Variants in PSMD2 observed in about 807,000 individuals in gnomAD.
The protein encoded by PSMD2 is proteasome 26S subunit ubiquitin receptor, non-ATPase 2.
PSMD2 carries 8 observed loss-of-function variants against 101.5 expected under a neutral mutation model. The observed-to-expected ratio is 0.08, with a 90% confidence interval of 0.05 to 0.14. PSMD2 has a LOEUF of 0.14. Ranked by LOEUF, PSMD2 falls within the 10% of genes least tolerant of loss-of-function variation. PSMD2 has a pLI of 1.00. For missense variants in PSMD2, 784 were observed against 1,147.4 expected, an observed-to-expected ratio of 0.68 and a Z score of 4.58; for synonymous variants, 418 against 433.8, an observed-to-expected ratio of 0.96 and a Z score of 0.45.
At chr3:184,301,395 C>T in intron 3 of PSMD2, 142 bp from the exon 4 acceptor site, 1 of 1,109,374 alleles carries the variant, frequency 9.0e-7, no homozygotes. Flanking sequence ...TGAGGTTTAG[C>T]TTACATAACA....
chr3:184,302,087 A>G lies in PSMD2; in HGVS notation c.704+16A>G. The G allele has an allele frequency of 6.2e-7, 1 of 1,610,798 alleles. No individual in the cohort carries two copies. The highest frequency in any genetic ancestry group is 1.1e-5 in the South Asian group (1 of 91,038). On this transcript the variant is annotated intron_variant, in intron 5 of 20. Coordinates refer to ENST00000310118, the MANE Select transcript of PSMD2 (RefSeq NM_002808.5). Reference sequence around the variant, plus strand: ...ATCTCACCAGGTGAGTGAACATGGTAGGGAAGGGTGGCAGGCATGCCCTCC... The same window carrying G: ...ATCTCACCAGGTGAGTGAACATGGTGGGGAAGGGTGGCAGGCATGCCCTCC...
Position 184,308,834 on chromosome 3 carries a change from AC to A in PSMD2, c.2676del (p.Ile893PhefsTer18), listed in dbSNP as rs757486045. ...GGCCACTGAGGAGTTTCTTCCTGTT[AC>A]CCCCATTCTGGAAGGTTTTGTTATC... ...ELATEEFLPV[T>X]PILEGFVILR... On this transcript the variant is annotated frameshift_variant, in exon 21 of 21. Transcript: ENST00000310118. LOFTEE classifies it high-confidence loss of function. This position sits in a 1 kb window ranked among gnomAD's most constrained non-coding sequence, Gnocchi z 6.0. 6.2e-7 allele frequency: 1 copy of A among 1,612,824 alleles called. No individual in the cohort carries two copies. Among genetic ancestry groups the A allele is most frequent in the Non-Finnish European group, 8.5e-7 (1 of 1,180,008 alleles).
Position 184,306,795 on chromosome 3 carries a change from G to C in PSMD2, c.1995G>C (p.Glu665Asp), listed in dbSNP as rs773654455. 3.1e-6 allele frequency: 5 copies of C among 1,614,078 alleles called. No homozygotes were observed. Among genetic ancestry groups the C allele is most frequent in the Non-Finnish European group, 4.2e-6 (5 of 1,180,006 alleles). ...TTGCCCTTATTGCTATGGGGGAGGA[G>C]ATTGGTGCAGAGATGGCATTACGAA... ...LGIALIAMGEEIGAEMALRTF... is the reference protein window; with the variant it reads ...LGIALIAMGEDIGAEMALRTF... Residue 665 changes from glutamate to aspartate, a missense_variant, in exon 16 of 21, where the codon GAG becomes GAC. Physicochemically the swap from Glu to Asp is conservative, Grantham distance 45 (BLOSUM62 2). Transcript: ENST00000310118.
In PSMD2 at chr3:184,308,025, C is replaced by T. The variant is rs143873664; in HGVS notation, c.2425+9C>T. 6.6e-4 allele frequency: 1,070 copies of T among 1,613,706 alleles called. 7 individuals are homozygous for T. In the African/African-American group the frequency reaches 0.013, roughly 19 times the overall value. On this transcript the variant is annotated intron_variant, in intron 19 of 20. Transcript: ENST00000310118. This position sits in a 1 kb window ranked among gnomAD's most constrained non-coding sequence, Gnocchi z 6.0. ...CCTGGATGTTCGAAACAGTGAGTTC[C>T]TGTCAGAAATTTTATATCATAGCAT...
intron 3 of PSMD2, 117 bp from the exon 4 acceptor site, chr3:184,301,420 T>G: frequency 7.7e-7 from 1 of 1,297,398 alleles, no homozygotes; most frequent in Non-Finnish European, 1.1e-6. Context: ...AAATTTCTAG[T>G]ACAGAGATTG....
chr3:184,302,479 C>G lies in PSMD2; in HGVS notation c.814C>G (p.Leu272Val). The G allele has an allele frequency of 6.2e-7, 1 of 1,614,092 alleles. No homozygotes were observed. The highest frequency in any genetic ancestry group is 1.3e-5 in the African/African-American group (1 of 75,026). Residue 272 changes from leucine (L) to valine (V), a missense_variant, in exon 6 of 21, where the codon CTC (leucine) becomes GTC (valine). Transcript: ENST00000310118. ...TGAAGCTCTGAGATTGGCATTGATGCTCAATGACATGGAGTTGGTAGAAGA... is the reference window on the plus strand; with the variant it reads ...TGAAGCTCTGAGATTGGCATTGATGGTCAATGACATGGAGTTGGTAGAAGA... ...FPEALRLALM[L>V]NDMELVEDIF...
chr3:184,305,950 TG>T lies in PSMD2; in HGVS notation c.1702+23del, dbSNP rs753273197. 6.2e-7 allele frequency: 1 copy of T among 1,613,990 alleles called. No homozygotes were observed. The highest frequency in any genetic ancestry group is 8.5e-7 in the Non-Finnish European group (1 of 1,179,856). Reference sequence around the variant, plus strand: ...ACCTGGGTGAGGGGATGTTTCTATTTGGGCAAAGAGCTGACAGTAACTGGAT... The same window carrying T: ...ACCTGGGTGAGGGGATGTTTCTATTTGGCAAAGAGCTGACAGTAACTGGAT... On this transcript the variant is annotated intron_variant, in intron 13 of 20. Coordinates refer to ENST00000310118, the MANE Select transcript of PSMD2 (RefSeq NM_002808.5).
chr3:184,304,319 T>C lies in PSMD2; in HGVS notation c.1467T>C (p.Tyr489=). The change falls in exon 12 of 21, where the codon TAT becomes TAC. Residue 489 remains tyrosine (Y), a synonymous_variant. Coordinates refer to ENST00000310118, the MANE Select transcript of PSMD2 (RefSeq NM_002808.5). This position sits in a 1 kb window ranked among gnomAD's most constrained non-coding sequence, Gnocchi z 4.1. ...GCTTTTGCAGGCTAGGCTTGGCTTA[T>C]GCTGGCTCAAATCGTGAAGATGTCC... ...LGSIFGLGLA[Y]AGSNREDVLT... The C allele has an allele frequency of 1.2e-6, 2 of 1,614,252 alleles. No homozygotes were observed. Among genetic ancestry groups the C allele is most frequent in the Non-Finnish European group, 1.7e-6 (2 of 1,180,042 alleles).
chr3:184,300,054 T>A, intron 2 of PSMD2, 147 bp downstream of exon 2: 1 of 893,404 alleles, frequency 1.1e-6, no homozygotes, highest in South Asian at 1.5e-5. Flanking sequence ...TTACAAAGGG[T>A]ATTTGTACAG....
intron 8 of PSMD2, 121 bp downstream of exon 8, chr3:184,303,183 A>G: frequency 1.3e-6 from 2 of 1,497,244 alleles, no homozygotes; most frequent in Middle Eastern, 1.8e-4. Flanking sequence ...AATCTTTTTC[A>G]GGTCACTGCT....
At chr3:184,305,985 G>C (rs1178327269) in intron 13 of PSMD2, 55 bp downstream of exon 13, 8 of 1,613,270 alleles carry the variant, frequency 5.0e-6, no homozygotes, top group African/African-American at 1.3e-5. Flanking sequence ...ATACAACAGG[G>C]AGGGTTTATG....
rs1721842080 is a variant in PSMD2, at chr3:184,306,655, A to G, written c.1951-96A>G. The G allele has an allele frequency of 2.0e-6, 3 of 1,520,320 alleles. No individual in the cohort carries two copies. In the African/African-American group the frequency reaches 4.2e-5, roughly 21 times the overall value. The allele number at this position is 1,520,320 out of a possible 1,614,324, so 94.2% of individuals were successfully genotyped here. A position where few individuals can be genotyped will look rare whatever the true frequency, so the allele number is the denominator to read the frequency against. ...TATGTAAGGGGTAAAGGTGTTCCCC[A>G]CAGGATGGCTTTTTATTTTCAGATG... On this transcript the variant is annotated intron_variant, in intron 15 of 20. Coordinates refer to ENST00000310118, the MANE Select transcript of PSMD2 (RefSeq NM_002808.5).
At chr3:184,307,780 G>C in intron 18 of PSMD2, 72 bp downstream of exon 18, 1 of 1,604,378 alleles carries the variant, frequency 6.2e-7, no homozygotes, top group Non-Finnish European at 8.5e-7. Context: ...AACATGGAGT[G>C]TTGGCCCAGG....
chr3:184,301,351 A>C (rs1403632312), intron 3 of PSMD2, among the ~76,000 whole-genome samples, 186 bp from the exon 4 acceptor site: 3 of 151,936 alleles, frequency 2.0e-5, no homozygotes, highest in Admixed American at 1.3e-4. Context: ...AAAAAAAAAA[A>C]AGGAGATAGC....
Position 184,307,933 on chromosome 3 carries a change from A to G in PSMD2, c.2342A>G (p.Tyr781Cys), listed in dbSNP as rs1268511597. 7 of 1,613,908 alleles carry G rather than the reference A, an allele frequency of 4.3e-6. No individual in the cohort carries two copies. The highest frequency in any genetic ancestry group is 2.2e-5 in the East Asian group (1 of 44,888). Reference sequence around the variant, plus strand: ...AAGGGCACCCTTACCCTCTGCCCCTACCACAGCGACCGGCAGCTTATGAGC... The same window carrying G: ...AAGGGCACCCTTACCCTCTGCCCCTGCCACAGCGACCGGCAGCTTATGAGC... ...LGKGTLTLCP[Y>C]HSDRQLMSQV... is the part of the protein sequence containing the mutation. The change falls in exon 19 of 21, where the codon TAC becomes TGC. Residue 781 changes from tyrosine (Y) to cysteine (C), a missense_variant. This residue lies in a region of PSMD2 where 282 missense variants were observed against 437.6 expected (regional missense o/e 0.64). Coordinates refer to ENST00000310118, the MANE Select transcript of PSMD2 (RefSeq NM_002808.5).
At chr3:184,306,706 T>C in intron 15 of PSMD2, 45 bp from the exon 16 acceptor site, 1 of 1,587,652 alleles carries the variant, frequency 6.3e-7, no homozygotes, top group South Asian at 1.1e-5. Flanking sequence ...GTGACTGTTT[T>C]TTATTCCTTG....
At position 184,307,963 on chromosome 3, in the gene PSMD2, T is replaced by G; in HGVS notation, c.2372T>G (p.Val791Gly). The G allele has an allele frequency of 6.2e-7, 1 of 1,614,146 alleles. No individual in the cohort carries two copies. The highest frequency in any genetic ancestry group is 8.5e-7 in the Non-Finnish European group (1 of 1,180,038). Reference sequence around the variant, plus strand: ...AGCGACCGGCAGCTTATGAGCCAGGTGGCCGTGGCTGGACTGCTCACTGTG... The same window carrying G: ...AGCGACCGGCAGCTTATGAGCCAGGGGGCCGTGGCTGGACTGCTCACTGTG... ...YHSDRQLMSQ[V>G]AVAGLLTVLV... Residue 791 changes from valine to glycine, a missense_variant, in exon 19 of 21, where the codon GTG becomes GGG. This residue lies in a region of PSMD2 where 282 missense variants were observed against 437.6 expected (regional missense o/e 0.64). Transcript: ENST00000310118.
At chr3:184,302,892 C>T (rs1721694212) in intron 7 of PSMD2, 69 bp downstream of exon 7, 2 of 1,610,598 alleles carry the variant, frequency 1.2e-6, no homozygotes, top group African/African-American at 1.3e-5. Flanking sequence ...CTCCCTGACT[C>T]TACCTCTGAC....
Position 184,308,814 on chromosome 3 carries a change from C to T in PSMD2, c.2651C>T (p.Thr884Ile). Reference sequence around the variant, plus strand: ...CACGGGGAACGGGCAGAATTGGCCACTGAGGAGTTTCTTCCTGTTACCCCC... The same window carrying T: ...CACGGGGAACGGGCAGAATTGGCCATTGAGGAGTTTCTTCCTGTTACCCCC... ...LAHGERAELA[T>I]EEFLPVTPIL... is the part of the protein sequence containing the mutation. Residue 884 changes from threonine (T) to isoleucine (I), a missense_variant, in exon 21 of 21, where the codon ACT (threonine) becomes ATT (isoleucine). By Grantham distance (89) the Thr-to-Ile change is moderately conservative (BLOSUM62 -1). This residue lies in a region of PSMD2 where 33 missense variants were observed against 38.2 expected (regional missense o/e 0.86). Transcript: ENST00000310118. This position sits in a 1 kb window ranked among gnomAD's most constrained non-coding sequence, Gnocchi z 6.0. 3.1e-6 allele frequency: 5 copies of T among 1,613,614 alleles called. No homozygotes were observed. Among genetic ancestry groups the T allele is most frequent in the African/African-American group, 1.3e-5 (1 of 75,016 alleles).
Sources: allele counts gnomAD v4.1 joint callset (sites outside exome capture counted in the v4.1 genomes callset), GRCh38; gene constraint gnomAD v4.1.1; regional missense constraint gnomAD v4.1.1; non-coding constraint Gnocchi (gnomAD v3.1); transcripts MANE v1.5; gene names NCBI Gene and HGNC (gene_info 2026-07-23, HGNC 2026-07-21).